The following WDFY1 variants were observed in gnomAD, a reference collection of about 807,000 sequenced individuals.
WDFY1 encodes WD repeat and FYVE domain-containing protein 1.
In WDFY1, 32 loss-of-function variants were observed where a neutral mutation model predicts 56.4. That is an observed-to-expected ratio of 0.57 (90% CI 0.43 to 0.76). WDFY1 has a LOEUF of 0.76. WDFY1 is among the 30% of genes least tolerant of loss of function. The probability of loss-of-function intolerance (pLI) is 0.00; values close to 1 mark genes in which losing one functional copy is unlikely to be tolerated. For missense variants in WDFY1, 480 were observed against 545.7 expected (o/e 0.88, Z 1.20); for synonymous variants, 192 against 197.3 (o/e 0.97, Z 0.23).
intron 8 of WDFY1, among the ~76,000 whole-genome samples, chr2:223,890,197 C>A (rs116223170): frequency 2.0e-5 from 3 of 152,176 alleles, no homozygotes; most frequent in African/African-American, 7.2e-5. Context: ...TTTGGCTGGG[C>A]GCAGTTGCTC....
At chr2:223,900,882 TAA>T (rs959887755) in intron 5 of WDFY1, 4 of 217,810 alleles carry the variant, frequency 1.8e-5, no homozygotes, top group African/African-American at 9.1e-5. Flanking sequence ...AATTTTGAAT[TAA>T]AAACCTATAG....
chr2:223,921,144 A>G (rs1002608168), intron 1 of WDFY1, among the ~76,000 whole-genome samples: 1 of 152,216 alleles, frequency 6.6e-6, no homozygotes, highest in African/African-American at 2.4e-5. Context: ...TGTATTTGTT[A>G]GAACCTGTCC....
intron 1 of WDFY1, among the ~76,000 whole-genome samples, chr2:223,937,226 C>G (rs909184948): frequency 2.0e-5 from 3 of 152,156 alleles, no homozygotes; most frequent in African/African-American, 7.2e-5. Context: ...TGGTATTGTC[C>G]TATTCAAACA....
chr2:223,911,434 AATGT>A (rs1325743954), intron 3 of WDFY1, among the ~76,000 whole-genome samples: 3 of 152,320 alleles, frequency 2.0e-5, no homozygotes, highest in African/African-American at 7.2e-5. Flanking sequence ...AGAAAAAACA[AATGT>A]ATGCATACAA....
At chr2:223,930,527 C>T (rs905175901) in intron 1 of WDFY1, among the ~76,000 whole-genome samples, 4 of 152,238 alleles carry the variant, frequency 2.6e-5, no homozygotes, top group Admixed American at 2.0e-4. Flanking sequence ...GACGGGGTTT[C>T]ACCATGTTGA....
intron 9 of WDFY1, among the ~76,000 whole-genome samples, chr2:223,884,417 C>T (rs901257493): frequency 2.6e-5 from 4 of 152,106 alleles, no homozygotes; most frequent in Non-Finnish European, 2.9e-5. Context: ...GGATTTTCTA[C>T]GCACCCCTGC....
chr2:223,936,261 T>C (rs879521300), intron 1 of WDFY1, among the ~76,000 whole-genome samples: 5 of 151,766 alleles, frequency 3.3e-5, no homozygotes, highest in Non-Finnish European at 5.9e-5. Flanking sequence ...AGAGTTTGAC[T>C]ATGTTGGCCA....
chr2:223,920,547 C>T (rs986090657), intron 1 of WDFY1, among the ~76,000 whole-genome samples: 2 of 152,242 alleles, frequency 1.3e-5, no homozygotes, highest in African/African-American at 2.4e-5. Flanking sequence ...CAGGGTGGAA[C>T]CTGCACAGCT....
intron 1 of WDFY1, among the ~76,000 whole-genome samples, chr2:223,936,776 T>C (rs1694174509): frequency 1.3e-5 from 2 of 152,124 alleles, no homozygotes; most frequent in African/African-American, 2.4e-5. Context: ...CTTCTGAGAG[T>C]TTGGAATTTT....
chr2:223,941,785 G>T (rs754387282), intron 1 of WDFY1, among the ~76,000 whole-genome samples: 197 of 152,230 alleles, frequency 1.3e-3, no homozygotes, highest in Non-Finnish European at 2.9e-4. Flanking sequence ...CAATAAAAAA[G>T]CTTTTTCTAA....
At chr2:223,910,543 C>G (rs541409456) in intron 3 of WDFY1, among the ~76,000 whole-genome samples, 1 of 149,178 alleles carries the variant, frequency 6.7e-6, no homozygotes, top group Non-Finnish European at 1.5e-5. Flanking sequence ...CAGAAAAAAA[C>G]TCTTACAACT....
intron 1 of WDFY1, among the ~76,000 whole-genome samples, chr2:223,930,284 A>C (rs1694053112): frequency 6.6e-6 from 1 of 152,218 alleles, no homozygotes; most frequent in African/African-American, 2.4e-5. Flanking sequence ...CCTTACAATC[A>C]GCCATTTTGC....
At position 223,875,900 on chromosome 2, in the gene WDFY1, T is replaced by C. The variant is rs956760927; in HGVS notation, c.*2771A>G. 1.3e-5 allele frequency: 2 copies of C among 152,122 alleles called. No homozygotes were observed. Among genetic ancestry groups the C allele is most frequent in the Non-Finnish European group, 2.9e-5 (2 of 68,008 alleles). 9.4% of individuals were successfully genotyped at this position (152,122 alleles called of 1,614,324 possible). A position where few individuals can be genotyped will look rare whatever the true frequency, so the allele number is the denominator to read the frequency against. ...AGCTACTATGGTATTTATTACATAT[T>C]TGGGTCAGTTTCACCAGTTTAAAAA... is the stretch of plus-strand genomic sequence containing the variant. On this transcript the variant is annotated 3_prime_UTR_variant, in exon 12 of 12. Coordinates refer to ENST00000233055, the MANE Select transcript of WDFY1 (RefSeq NM_020830.5).
chr2:223,906,954 CCATTATTATTAT>C lies in WDFY1; in HGVS notation c.280-965_280-954del, dbSNP rs1412733361. Among the ~76,000 whole-genome samples the C allele has an allele frequency of 2.7e-5, 4 of 148,628 alleles. No homozygotes were observed. In the South Asian group the frequency reaches 6.4e-4, roughly 24 times the overall value. On this transcript the variant is annotated intron_variant, in intron 3 of 11. Transcript: ENST00000233055. Reference sequence around the variant, plus strand: ...AAAGAAAAATCACGAATTACTACTACCATTATTATTATTATTATTATTATTATTATATTATTT... The same window carrying C: ...AAAGAAAAATCACGAATTACTACTACTATTATTATTATTATTATATTATTT...
chr2:223,885,100 G>A (rs556696408), intron 8 of WDFY1, among the ~76,000 whole-genome samples: 18 of 152,162 alleles, frequency 1.2e-4, no homozygotes, highest in Non-Finnish European at 2.2e-4. Flanking sequence ...TTATAAGCAT[G>A]AGCAACCATG....
At position 223,905,937 on chromosome 2, in the gene WDFY1, T is replaced by C. The variant is rs753134433; in HGVS notation, c.334+10A>G. 6.4e-7 allele frequency: 1 copy of C among 1,551,412 alleles called. No homozygotes were observed. The highest frequency in any genetic ancestry group is 1.2e-5 in the South Asian group (1 of 82,328). ...GTATGTGTACGCAAGATAATGTGTA[T>C]TATAATTACCTGGGTAGGTCTTGAT... On this transcript the variant is annotated intron_variant, in intron 4 of 11. Coordinates refer to ENST00000233055, the MANE Select transcript of WDFY1 (RefSeq NM_020830.5).
chr2:223,940,713 G>A (rs1689287087), intron 1 of WDFY1, among the ~76,000 whole-genome samples: 1 of 151,576 alleles, frequency 6.6e-6, no homozygotes, highest in Non-Finnish European at 1.5e-5. Context: ...CGTGATCTCA[G>A]CTCACTGCAA....
intron 2 of WDFY1, among the ~76,000 whole-genome samples, chr2:223,915,017 C>G (rs946079416): frequency 2.6e-5 from 4 of 152,210 alleles, no homozygotes; most frequent in African/African-American, 7.2e-5. Flanking sequence ...ATTGGATAAT[C>G]TGCGGATAGC....
chr2:223,890,293 G>A (rs1467767974), intron 8 of WDFY1, among the ~76,000 whole-genome samples: 3 of 152,248 alleles, frequency 2.0e-5, no homozygotes, highest in South Asian at 2.1e-4. Flanking sequence ...CCAACATGGT[G>A]AAACCCTGTC....
Sources: gnomAD v4.1 joint callset for allele counts (sites outside exome capture counted in the v4.1 genomes callset) on GRCh38, gnomAD v4.1.1 for gene constraint, MANE v1.5 for transcripts, NCBI Gene and HGNC (gene_info 2026-07-23, HGNC 2026-07-21) for gene names.